PCDHGB2: variants seen among roughly 807,000 people sequenced by gnomAD.
The protein encoded by PCDHGB2 is protocadherin gamma subfamily B, 2.
A neutral mutation model predicts 59.3 loss-of-function variants in PCDHGB2; 55 were observed. The ratio of observed to expected loss-of-function variants is 0.93; its 90% CI spans 0.75 to 1.16. The LOEUF (loss-of-function observed/expected upper bound fraction) is 1.16, where lower values mean the gene tolerates loss of function less well. Ranked by LOEUF, PCDHGB2 falls within the 50% of genes most tolerant of loss-of-function variation. The pLI, the probability that PCDHGB2 is intolerant of heterozygous loss-of-function variation, is 0.00. For missense variants in PCDHGB2, 1,228 were observed against 1,198.5 expected (o/e 1.02, Z -0.36); for synonymous variants, 516 against 512.0 (o/e 1.01, Z -0.11).
At chr5:141,399,942 G>T (rs780939486) in intron 1 of PCDHGB2, 2 of 1,612,258 alleles carry the variant, frequency 1.2e-6, no homozygotes, top group Admixed American at 3.3e-5. Flanking sequence ...ACCACGTGCT[G>T]CAGGCTAGCG....
rs964965013 is a variant in PCDHGB2 at position 141,489,097 on chromosome 5, C to G, written c.2422-5710C>G. The G allele has an allele frequency of 6.4e-6, 2 of 313,448 alleles. No homozygotes were observed. The highest frequency in any genetic ancestry group is 1.1e-4 in the South Asian group (2 of 18,596). 19.4% of individuals were successfully genotyped at this position (313,448 alleles called of 1,614,324 possible). The stretch of plus-strand genomic sequence containing the variant: ...ACCCCCGCCACTCGGTGACTAAGAA[C>G]TGCTGCAAGCAGGCAAACCTCCGAG... On this transcript the variant is annotated intron_variant, in intron 1 of 3. Coordinates refer to ENST00000522605, the MANE Select transcript of PCDHGB2 (RefSeq NM_018923.3). This position sits in a 1 kb window ranked among gnomAD's most constrained non-coding sequence, Gnocchi z 4.5.
chr5:141,460,938 A>G (rs532872249), intron 1 of PCDHGB2, among the ~76,000 whole-genome samples: 38 of 149,918 alleles, frequency 2.5e-4, no homozygotes, highest in African/African-American at 9.1e-4. Context: ...GTGTGTGTAT[A>G]TATATGTATT....
At chr5:141,398,896 C>T (rs776008122) in intron 1 of PCDHGB2, 5 of 1,613,946 alleles carry the variant, frequency 3.1e-6, no homozygotes, top group Non-Finnish European at 3.4e-6. Context: ...AAACGTGCCA[C>T]CAGGCACCAC....
At chr5:141,365,947 C>A (rs752957428) in intron 1 of PCDHGB2, 1 of 1,613,770 alleles carries the variant, frequency 6.2e-7, no homozygotes, top group East Asian at 2.2e-5. Flanking sequence ...ACAGTGGGAA[C>A]CCTCCACTTA....
intron 1 of PCDHGB2, chr5:141,366,451 C>G: frequency 6.2e-7 from 1 of 1,614,228 alleles, no homozygotes; most frequent in Non-Finnish European, 8.5e-7. Context: ...TCCTGGCCTT[C>G]GTCATCGTGC....
At chr5:141,460,965 G>A (rs1398642676) in intron 1 of PCDHGB2, among the ~76,000 whole-genome samples, 21 of 114,476 alleles carry the variant, frequency 1.8e-4, no homozygotes, top group African/African-American at 8.5e-4. Flanking sequence ...ATATATATGT[G>A]TGTGTGTGTG....
intron 1 of PCDHGB2, chr5:141,371,732 C>T: frequency 1.9e-6 from 3 of 1,614,046 alleles, no homozygotes; most frequent in Non-Finnish European, 2.5e-6. Flanking sequence ...TTGATGTCAA[C>T]GACAACGTTC....
chr5:141,360,386 T>C lies in PCDHGB2; in HGVS notation c.251T>C (p.Leu84Ser). 6.2e-7 allele frequency: 1 copy of C among 1,613,898 alleles called. No individual in the cohort carries two copies. The highest frequency in any genetic ancestry group is 8.5e-7 in the Non-Finnish European group (1 of 1,179,810). ...YFTVNPESGD[L>S]LVSDRIDREQ... ...ACAGTAAACCCAGAAAGCGGAGACT[T>C]ACTTGTGAGTGACAGAATAGACCGA... is the stretch of plus-strand genomic sequence containing the variant. Residue 84 changes from leucine to serine, a missense_variant, in exon 1 of 4, where the codon TTA becomes TCA. Coordinates refer to ENST00000522605, the MANE Select transcript of PCDHGB2 (RefSeq NM_018923.3).
intron 1 of PCDHGB2, chr5:141,414,145 C>T (rs1157390595): frequency 6.3e-7 from 1 of 1,597,566 alleles, no homozygotes; most frequent in Non-Finnish European, 8.5e-7. Context: ...AATAGAAATA[C>T]AAGCAGAAGA....
intron 1 of PCDHGB2, chr5:141,370,610 G>T (rs547118708): frequency 1.9e-6 from 3 of 1,613,986 alleles, no homozygotes; most frequent in Middle Eastern, 1.6e-4. Context: ...TTGCAGAGAA[G>T]AAATTCTTTA....
Position 141,370,437 on chromosome 5 carries a change from C to A in PCDHGB2, c.2421+7881C>A, listed in dbSNP as rs770648794. ...ATGGAGGGGCCCAGCAGGGCAGAGG[C>A]GAATGCTATTTCTCTTCCTGCTCTC... On this transcript the variant is annotated intron_variant, in intron 1 of 3. Coordinates refer to ENST00000522605, the MANE Select transcript of PCDHGB2 (RefSeq NM_018923.3). 1.6e-5 allele frequency: 26 copies of A among 1,603,674 alleles called. No individual in the cohort carries two copies. In the East Asian group the frequency reaches 5.6e-4, roughly 34 times the overall value.
rs779535322 is a variant in PCDHGB2 at position 141,398,516 on chromosome 5, C to A, written c.2421+35960C>A. ...GAGATCGAGGACATTAATGACCACACGCCAAAATTCACGCAAAATTCCTTT... is the reference window on the plus strand; with the variant it reads ...GAGATCGAGGACATTAATGACCACAAGCCAAAATTCACGCAAAATTCCTTT... On this transcript the variant is annotated intron_variant, in intron 1 of 3. Coordinates refer to ENST00000522605, the MANE Select transcript of PCDHGB2 (RefSeq NM_018923.3). The A allele has an allele frequency of 1.9e-6, 3 of 1,598,584 alleles. No individual in the cohort carries two copies. The South Asian group carries it at 3.3e-5, about 18-fold the overall frequency.
Position 141,491,478 on chromosome 5 carries a change from C to A in PCDHGB2, c.2422-3329C>A. ...CCCCGGACTTCTATAAGCAGTCCAG[C>A]CCCAACCTGCAGGTGAGCTCGGACG... On this transcript the variant is annotated intron_variant, in intron 1 of 3. Coordinates refer to ENST00000522605, the MANE Select transcript of PCDHGB2 (RefSeq NM_018923.3). The surrounding 1 kb of genome is among the most constrained non-coding windows in gnomAD (Gnocchi z 6.9). 6.2e-7 allele frequency: 1 copy of A among 1,614,068 alleles called. No individual in the cohort carries two copies. Among genetic ancestry groups the A allele is most frequent in the Non-Finnish European group, 8.5e-7 (1 of 1,180,004 alleles).
intron 1 of PCDHGB2, chr5:141,393,436 A>G: frequency 1.2e-6 from 2 of 1,614,028 alleles, no homozygotes; most frequent in Middle Eastern, 1.6e-4. Flanking sequence ...GAGGCTGCTC[A>G]CCACCTGGTC....
chr5:141,375,770 C>T, intron 1 of PCDHGB2: 1 of 1,614,268 alleles, frequency 6.2e-7, no homozygotes, highest in East Asian at 2.2e-5. Flanking sequence ...GCCCGAGATC[C>T]TGTACCCCGC....
chr5:141,428,561 A>G (rs879118525), intron 1 of PCDHGB2: 16 of 238,202 alleles, frequency 6.7e-5, no homozygotes, highest in South Asian at 5.9e-4. Context: ...GTCCCCCCAC[A>G]AGATCTTTCT....
chr5:141,395,107 A>G (rs2093174446), intron 1 of PCDHGB2: 1 of 1,614,212 alleles, frequency 6.2e-7, no homozygotes, highest in African/African-American at 1.3e-5. Context: ...GACTCGCGGA[A>G]GAGTCACCTG....
chr5:141,449,681 G>A (rs2098651836), intron 1 of PCDHGB2, among the ~76,000 whole-genome samples: 1 of 149,394 alleles, frequency 6.7e-6, no homozygotes, highest in Non-Finnish European at 1.5e-5. Context: ...ATGTATATAT[G>A]TTTGTGTGTA....
intron 1 of PCDHGB2, chr5:141,427,590 C>A: frequency 1.5e-6 from 1 of 679,008 alleles, no homozygotes; most frequent in Non-Finnish European, 2.7e-6. Flanking sequence ...CAGCACAAGC[C>A]TCACCCTACG....
Sources: gnomAD v4.1 joint callset for allele counts (sites outside exome capture counted in the v4.1 genomes callset) on GRCh38, gnomAD v4.1.1 for gene constraint, Gnocchi (gnomAD v3.1) non-coding constraint, MANE v1.5 for transcripts, NCBI Gene and HGNC (gene_info 2026-07-23, HGNC 2026-07-21) for gene names.